The following DNAH9 variants were observed in gnomAD, a reference collection of about 807,000 sequenced individuals.
The protein encoded by DNAH9 is dynein axonemal heavy chain 9.
Under a neutral mutation model 471.6 loss-of-function variants are expected in DNAH9, and 345 were observed. The observed-to-expected ratio is 0.73, with a 90% CI of 0.67 to 0.80. The LOEUF (loss-of-function observed/expected upper bound fraction) is 0.80, where lower values mean the gene tolerates loss of function less well. Ranked by LOEUF, DNAH9 falls within the 30% of genes least tolerant of loss-of-function variation. DNAH9 has a pLI of 0.00. For synonymous variants in DNAH9, 2,093 were observed against 2,123.6 expected (o/e 0.99, Z 0.40); for missense variants, 5,407 against 5,609.2 (o/e 0.96, Z 1.15).
chr17:11,644,577 T>C (rs2073343413), intron 10 of DNAH9, 54 bp from the exon 11 acceptor site: 1 of 1,342,690 alleles, frequency 7.4e-7, no homozygotes, highest in Admixed American at 1.7e-5. Context: ...TTCCTCGGAT[T>C]ATTACTTTAA....
intron 24 of DNAH9, among the ~76,000 whole-genome samples, chr17:11,701,844 A>G (rs1597502877): frequency 6.6e-6 from 1 of 151,886 alleles, no homozygotes; most frequent in Non-Finnish European, 1.5e-5. Flanking sequence ...AGGGCTGGCT[A>G]ATTTTTTTTG....
At position 11,652,996 on chromosome 17, in the gene DNAH9, T is replaced by C. The variant is rs768696771; in HGVS notation, c.2589T>C (p.Leu863=). 4 of 1,613,630 alleles carry C rather than the reference T, an allele frequency of 2.5e-6. No homozygotes were observed. The highest frequency in any genetic ancestry group is 3.4e-6 in the Non-Finnish European group (4 of 1,180,002). ...AATCTGGCCTTAAGATCCACGCCCT[T>C]GTTCAGGTAATAACCCAGCCACTCA... ...IKESGLKIHA[L]VQENLGLFSA... is the part of the protein sequence containing the mutation. Residue 863 remains leucine, a synonymous_variant, in exon 14 of 69, where the codon CTT becomes CTC. Coordinates refer to ENST00000262442, the MANE Select transcript of DNAH9 (RefSeq NM_001372.4).
chr17:11,842,617 G>T (rs1971070910), intron 49 of DNAH9, among the ~76,000 whole-genome samples: 1 of 152,196 alleles, frequency 6.6e-6, no homozygotes, highest in Admixed American at 6.5e-5. Context: ...AACAACTGGT[G>T]TAAGTCCAAG....
intron 9 of DNAH9, 55 bp from the exon 10 acceptor site, chr17:11,640,215 G>T: frequency 9.5e-7 from 1 of 1,057,880 alleles, no homozygotes; most frequent in Admixed American, 2.2e-5. Flanking sequence ...TTTGCCGAGC[G>T]GAGAGGACTG....
In DNAH9 at chr17:11,779,575, T is replaced by G. The variant is rs141307855; in HGVS notation, c.7553-1434T>G. Among the ~76,000 whole-genome samples, 442 of 152,292 alleles carry G rather than the reference T, an allele frequency of 2.9e-3. 1 individual carries two copies. The highest frequency in any genetic ancestry group is 6.8e-3 in the Middle Eastern group (2 of 294). On this transcript the variant is annotated intron_variant, in intron 38 of 68. Coordinates refer to ENST00000262442, the MANE Select transcript of DNAH9 (RefSeq NM_001372.4). Reference sequence around the variant, plus strand: ...ACGATCCTTTTAAAGCATAAAGAGCTTAATCAACCCAAATTACAGGGTCTG... The same window carrying G: ...ACGATCCTTTTAAAGCATAAAGAGCGTAATCAACCCAAATTACAGGGTCTG...
Position 11,929,893 on chromosome 17 carries a change from A to G in DNAH9, c.11905A>G (p.Ser3969Gly). The G allele has an allele frequency of 1.9e-6, 3 of 1,613,918 alleles. No homozygotes were observed. The highest frequency in any genetic ancestry group is 2.5e-6 in the Non-Finnish European group (3 of 1,179,942). Residue 3969 changes from serine to glycine, a missense_variant, in exon 63 of 69, where the codon AGC (serine) becomes GGC (glycine). Transcript: ENST00000262442. ...CATTCACCTGGTGGCCAAGTGGCTC[A>G]GCACCCTGGAGAAGAAGCTGGAGGA... ...QNIHLVAKWL[S>G]TLEKKLEEHS...
At chr17:11,672,074 C>G (rs1327761456) in intron 17 of DNAH9, among the ~76,000 whole-genome samples, 1 of 152,144 alleles carries the variant, frequency 6.6e-6, no homozygotes, top group African/African-American at 2.4e-5. Context: ...TTATTATTGT[C>G]TCCTCTGTGC....
chr17:11,858,282 C>T (rs889839284), intron 50 of DNAH9, among the ~76,000 whole-genome samples: 8 of 152,182 alleles, frequency 5.3e-5, no homozygotes, highest in Non-Finnish European at 7.3e-5. Context: ...CCTTTTAATT[C>T]GTATATCTGT....
intron 26 of DNAH9, among the ~76,000 whole-genome samples, chr17:11,714,669 A>C (rs902602664): frequency 6.6e-6 from 1 of 152,166 alleles, no homozygotes; most frequent in Non-Finnish European, 1.5e-5. Context: ...ACTTAATATA[A>C]TTATATAAGC....
intron 1 of DNAH9, among the ~76,000 whole-genome samples, chr17:11,600,351 G>A (rs1229417063): frequency 6.6e-6 from 1 of 152,178 alleles, no homozygotes; most frequent in African/African-American, 2.4e-5. Flanking sequence ...TAAGTAGAGA[G>A]CAAGGTAACT....
Position 11,923,890 on chromosome 17 carries a change from T to C in DNAH9, c.11826T>C (p.Ala3942=). The C allele has an allele frequency of 6.2e-7, 1 of 1,614,066 alleles. No individual in the cohort carries two copies. Among genetic ancestry groups the C allele is most frequent in the Non-Finnish European group, 8.5e-7 (1 of 1,179,962 alleles). ...TGGGGCAAGGACAGGAAGTGGTGGC[T>C]GAGGCTGCGCTGGACCTCGCTGCCA... ...VSLGQGQEVV[A]EAALDLAAKK... Residue 3942 remains alanine, a synonymous_variant, in exon 62 of 69, where the codon GCT becomes GCC. Transcript: ENST00000262442.
chr17:11,629,785 G>T (rs773998705), intron 7 of DNAH9, among the ~76,000 whole-genome samples: 4 of 152,146 alleles, frequency 2.6e-5, no homozygotes, highest in Non-Finnish European at 4.4e-5. Context: ...TCTTTGTGTT[G>T]GGAGAAAGAT....
Position 11,602,121 on chromosome 17 carries a change from A to G in DNAH9, c.417+3206A>G, listed in dbSNP as rs531180879. 2.0e-5 allele frequency among the ~76,000 whole-genome samples: 3 copies of G among 149,018 alleles called. No individual in the cohort carries two copies. In the South Asian group the frequency reaches 6.3e-4, roughly 31 times the overall value. On this transcript the variant is annotated intron_variant, in intron 1 of 68. Transcript: ENST00000262442. The stretch of plus-strand genomic sequence containing the variant: ...CTCTGAAACTTGGATTTTTTTTTTG[A>G]CTTTTTGCATTTTGGAATGTGAGCA...
intron 6 of DNAH9, among the ~76,000 whole-genome samples, chr17:11,621,002 C>A (rs1379469210): frequency 6.6e-6 from 1 of 152,090 alleles, no homozygotes; most frequent in Admixed American, 6.6e-5. Context: ...TAACAGGTCT[C>A]TCAACATTTT....
intron 27 of DNAH9, among the ~76,000 whole-genome samples, chr17:11,727,414 G>A (rs1458877621): frequency 6.6e-6 from 1 of 152,082 alleles, no homozygotes; most frequent in African/African-American, 2.4e-5. Flanking sequence ...TGGAAAACCT[G>A]GGTGGTTGGG....
At position 11,951,529 on chromosome 17, in the gene DNAH9, A is replaced by G. The variant is rs896503588; in HGVS notation, c.12843+9044A>G. On this transcript the variant is annotated intron_variant, in intron 67 of 68. Coordinates refer to ENST00000262442, the MANE Select transcript of DNAH9 (RefSeq NM_001372.4). ...AATCCCATCTCTACTGGAAATACAA[A>G]AATTAGCTGGGCATAGTGGCTATGA... Among the ~76,000 whole-genome samples the G allele has an allele frequency of 1.4e-4, 21 of 152,096 alleles. 1 individual carries two copies. Among genetic ancestry groups the G allele is most frequent in the Non-Finnish European group, 3.1e-4 (21 of 68,030 alleles).
chr17:11,677,354 A>G (rs1204641290), intron 17 of DNAH9, among the ~76,000 whole-genome samples: 1 of 152,154 alleles, frequency 6.6e-6, no homozygotes, highest in Non-Finnish European at 1.5e-5. Context: ...GACTTTTTAT[A>G]TCTTCTTGGA....
At chr17:11,823,087 C>G (rs1036269896) in intron 48 of DNAH9, 53 bp downstream of exon 48, 5 of 1,468,208 alleles carry the variant, frequency 3.4e-6, no homozygotes, top group Non-Finnish European at 4.6e-6. Context: ...GGAGCTGAAG[C>G]AGCCCTTTCC....
chr17:11,680,606 C>T (rs1271120596), intron 18 of DNAH9, 117 bp from the exon 19 acceptor site: 7 of 818,260 alleles, frequency 8.6e-6, no homozygotes, highest in African/African-American at 6.8e-5. Flanking sequence ...ATGACACCAC[C>T]ACACCATTGT....
Sources: allele counts gnomAD v4.1 joint callset (sites outside exome capture counted in the v4.1 genomes callset), GRCh38; gene constraint gnomAD v4.1.1; transcripts MANE v1.5; gene names NCBI Gene and HGNC (gene_info 2026-07-23, HGNC 2026-07-21).